The following SCYL3 variants were observed in gnomAD, a reference collection of about 807,000 sequenced individuals.
SCYL3 encodes SCY1 like pseudokinase 3.
SCYL3 carries 35 observed loss-of-function variants against 73.8 expected under a neutral mutation model. The ratio of observed to expected loss-of-function variants is 0.47; its 90% CI spans 0.36 to 0.63. The LOEUF is 0.63. SCYL3 is among the 20% of genes least tolerant of loss of function. SCYL3 has a pLI of 0.00. For synonymous variants in SCYL3, 277 were observed against 295.2 expected (o/e 0.94, Z 0.63); for missense variants, 712 against 798.9 (o/e 0.89, Z 1.31).
intron 2 of SCYL3, among the ~76,000 whole-genome samples, chr1:169,888,329 C>G (rs1265764812): frequency 6.6e-6 from 1 of 152,222 alleles, no homozygotes; most frequent in Non-Finnish European, 1.5e-5. Context: ...GATGTCAATA[C>G]TTAACTGCAT....
In SCYL3 at chr1:169,853,945, A is replaced by AAAC. The variant is rs1457278820; in HGVS notation, c.2008-176_2008-174dup. ...CAGAAAGTTGAAAAGTAGGATTACA[A>AAAC]AACCATGGCACTGGAAAATAGCTTT... On this transcript the variant is annotated intron_variant, in intron 12 of 12. Coordinates refer to ENST00000367771, the MANE Select transcript of SCYL3 (RefSeq NM_020423.7). 1.7e-5 allele frequency: 12 copies of AAAC among 719,302 alleles called. No individual in the cohort carries two copies. In the East Asian group the frequency reaches 3.2e-4, roughly 19 times the overall value. 44.6% of individuals were successfully genotyped at this position (719,302 alleles called of 1,614,324 possible).
intron 4 of SCYL3, among the ~76,000 whole-genome samples, chr1:169,874,786 G>A (rs1203790584): frequency 2.6e-5 from 4 of 152,156 alleles, no homozygotes; most frequent in Non-Finnish European, 5.9e-5. Context: ...AATTAACCAG[G>A]TGTGGTGGTG....
rs1377871495 is a variant in SCYL3 at position 169,878,645 on chromosome 1, G to C, written c.340C>G (p.Leu114Val). 2 of 1,611,908 alleles carry C rather than the reference G, an allele frequency of 1.2e-6. No homozygotes were observed. The highest frequency in any genetic ancestry group is 2.2e-5 in the East Asian group (1 of 44,852). Reference sequence around the variant, plus strand: ...TACAGGTTACTTACTCTGTCATGAAGGAAGATAAGAGCCAGCAATATGTCA... The same window carrying C: ...TACAGGTTACTTACTCTGTCATGAACGAAGATAAGAGCCAGCAATATGTCA... The part of the protein sequence containing the change: ...IYDILLALIF[L>V]HDRGHLTHNN... The change falls in exon 3 of 13, where the codon CTT (leucine) becomes GTT (valine). Residue 114 changes from leucine to valine, a missense_variant. Around this residue, in one of 2 missense-constraint regions of SCYL3, gnomAD observed 342 missense variants for 448.1 expected, o/e 0.76. Transcript: ENST00000367771.
intron 7 of SCYL3, among the ~76,000 whole-genome samples, chr1:169,868,098 G>A (rs1027587256): frequency 2.0e-5 from 3 of 152,126 alleles, no homozygotes; most frequent in African/African-American, 7.2e-5. Context: ...TGAATAGTTT[G>A]AAATATGACA....
At chr1:169,883,265 C>G (rs958815179) in intron 2 of SCYL3, among the ~76,000 whole-genome samples, 1 of 152,206 alleles carries the variant, frequency 6.6e-6, no homozygotes, top group African/African-American at 2.4e-5. Flanking sequence ...GCTGATCTGA[C>G]AGGAGACAGA....
chr1:169,877,960 G>A lies in SCYL3; in HGVS notation c.351+674C>T, dbSNP rs148252276. Among the ~76,000 whole-genome samples the A allele has an allele frequency of 3.3e-5, 5 of 152,164 alleles. No individual in the cohort carries two copies. In the East Asian group the frequency reaches 9.6e-4, roughly 29 times the overall value. Reference sequence around the variant, plus strand: ...TCAAGTCCAAGTGTTTCTAACCTGTGACTAGTATTTTTTAATCTTGGTGGA... The same window carrying A: ...TCAAGTCCAAGTGTTTCTAACCTGTAACTAGTATTTTTTAATCTTGGTGGA... On this transcript the variant is annotated intron_variant, in intron 3 of 12. Transcript: ENST00000367771.
At chr1:169,866,802 C>A in intron 8 of SCYL3, 94 bp downstream of exon 8, 1 of 738,876 alleles carries the variant, frequency 1.4e-6, no homozygotes, top group African/African-American at 1.8e-5. Flanking sequence ...TGAAATAAAC[C>A]AAATATATGA....
At chr1:169,858,191 CAT>C (rs1201522576) in intron 11 of SCYL3, among the ~76,000 whole-genome samples, 6 of 152,180 alleles carry the variant, frequency 3.9e-5, no homozygotes, top group East Asian at 1.9e-4. Flanking sequence ...ATGCTTAAAA[CAT>C]ATTGTACAAC....
chr1:169,877,862 A>C (rs143106913), intron 3 of SCYL3, among the ~76,000 whole-genome samples: 1 of 152,362 alleles, frequency 6.6e-6, no homozygotes, highest in East Asian at 1.9e-4. Flanking sequence ...AAGAGACTAT[A>C]AATCCAACAT....
At chr1:169,888,466 T>A (rs1571462635) in intron 2 of SCYL3, among the ~76,000 whole-genome samples, 1 of 152,244 alleles carries the variant, frequency 6.6e-6, no homozygotes, top group Middle Eastern at 3.2e-3. Context: ...CTGAGTTTTA[T>A]GATGTTTTTT....
At position 169,852,129 on chromosome 1, in the gene SCYL3, A is replaced by G; in HGVS notation, c.*1584T>C. The G allele has an allele frequency of 1.5e-6, 1 of 682,042 alleles. No individual in the cohort carries two copies. Among genetic ancestry groups the G allele is most frequent in the Non-Finnish European group, 2.5e-6 (1 of 405,362 alleles). 42.2% of individuals were successfully genotyped at this position (682,042 alleles called of 1,614,324 possible). A position where few individuals can be genotyped will look rare whatever the true frequency, so the allele number is the denominator to read the frequency against. Reference sequence around the variant, plus strand: ...AGTGGGACTACACCATATCAAATATATTCTTTCAGTATGTTTGAATTATTG... The same window carrying G: ...AGTGGGACTACACCATATCAAATATGTTCTTTCAGTATGTTTGAATTATTG... On this transcript the variant is annotated 3_prime_UTR_variant, in exon 13 of 13. Transcript: ENST00000367771.
chr1:169,883,139 G>A (rs1661419629), intron 2 of SCYL3, among the ~76,000 whole-genome samples: 1 of 151,880 alleles, frequency 6.6e-6, no homozygotes, highest in Non-Finnish European at 1.5e-5. Flanking sequence ...ACATGAGAAG[G>A]AACAAACTCC....
chr1:169,869,121 A>G, intron 6 of SCYL3, 82 bp from the exon 7 acceptor site: 1 of 1,093,094 alleles, frequency 9.1e-7, no homozygotes, highest in Non-Finnish European at 1.4e-6. Context: ...CCGAGAGCAA[A>G]AACCAACCTG....
intron 11 of SCYL3, chr1:169,856,005 T>C: frequency 6.4e-6 from 10 of 1,573,674 alleles, no homozygotes; most frequent in Non-Finnish European, 8.7e-6. Context: ...AGTAAATTGC[T>C]TCTTGATCTA....
At chr1:169,855,524 AT>A (rs144687653) in intron 11 of SCYL3, among the ~76,000 whole-genome samples, 27 of 152,336 alleles carry the variant, frequency 1.8e-4, no homozygotes, top group African/African-American at 6.5e-4. Flanking sequence ...TCTTGGTACA[AT>A]TTGGAAGATG....
intron 2 of SCYL3, among the ~76,000 whole-genome samples, chr1:169,881,078 C>A (rs1271512514): frequency 6.6e-6 from 1 of 152,090 alleles, no homozygotes; most frequent in Non-Finnish European, 1.5e-5. Flanking sequence ...CACATATTTA[C>A]CTCTTCAGTT....
rs577157765 is a variant in SCYL3, at chr1:169,862,962, G to T, written c.956-165C>A. Among the ~76,000 whole-genome samples the T allele has an allele frequency of 1.0e-3, 158 of 152,104 alleles. 2 individuals are homozygous for T. Among genetic ancestry groups the T allele is most frequent in the African/African-American group, 3.5e-3 (147 of 41,490 alleles). ...GAGTCTCACTCTGTCACCCATGCTG[G>T]AGTGCAGTGGCGCGATCTCGGCTCA... On this transcript the variant is annotated intron_variant, in intron 9 of 12. Transcript: ENST00000367771.
chr1:169,861,787 A>T lies in SCYL3; in HGVS notation c.1140+826T>A, dbSNP rs1659669456. 2.0e-5 allele frequency among the ~76,000 whole-genome samples: 3 copies of T among 152,200 alleles called. No homozygotes were observed. In the South Asian group the frequency reaches 6.2e-4, roughly 31 times the overall value. On this transcript the variant is annotated intron_variant, in intron 10 of 12. Transcript: ENST00000367771. ...TTTTTTAAAACCTCATACTAGGTTG[A>T]ATAGTGTCCCTCCAAAATTCATGTC...
At position 169,873,676 on chromosome 1, in the gene SCYL3, T is replaced by G; in HGVS notation, c.522+20A>C. 1 of 1,543,368 alleles carries G rather than the reference T, an allele frequency of 6.5e-7. No homozygotes were observed. The highest frequency in any genetic ancestry group is 8.9e-7 in the Non-Finnish European group (1 of 1,126,128). On this transcript the variant is annotated intron_variant, in intron 5 of 12. Coordinates refer to ENST00000367771, the MANE Select transcript of SCYL3 (RefSeq NM_020423.7). Reference sequence around the variant, plus strand: ...ATTACACAAAGGCACCTTCATTATATGTGAAGTATATCATCTTACCATCTC... The same window carrying G: ...ATTACACAAAGGCACCTTCATTATAGGTGAAGTATATCATCTTACCATCTC...
Sources: allele counts gnomAD v4.1 joint callset (sites outside exome capture counted in the v4.1 genomes callset), GRCh38; gene constraint gnomAD v4.1.1; regional missense constraint gnomAD v4.1.1; transcripts MANE v1.5; gene names NCBI Gene and HGNC (gene_info 2026-07-23, HGNC 2026-07-21).